IL17RB: variants seen among roughly 807,000 people sequenced by gnomAD.
IL17RB encodes the protein interleukin 17 receptor B, also known as interleukin-17 receptor B.
Under a neutral mutation model 43.9 loss-of-function variants are expected in IL17RB, and 36 were observed. That is an observed-to-expected ratio of 0.82 (90% CI 0.63 to 1.08). IL17RB has a LOEUF of 1.08. IL17RB is among the 50% of genes least tolerant of loss of function. The pLI is 0.00. For missense variants in IL17RB, 613 were observed against 613.6 expected (o/e 1.00, Z 0.01); for synonymous variants, 225 against 225.4 (o/e 1.00, Z 0.02).
At chr3:53,863,243 T>C (rs375660952) in intron 10 of IL17RB, among the ~76,000 whole-genome samples, 25 of 152,310 alleles carry the variant, frequency 1.6e-4, no homozygotes, top group African/African-American at 5.5e-4. Flanking sequence ...TCAAAGGTTA[T>C]AGGAGATTTT....
chr3:53,860,280 ATTTT>A, intron 10 of IL17RB, 52 bp downstream of exon 10: 1 of 1,471,578 alleles, frequency 6.8e-7, no homozygotes, highest in Non-Finnish European at 9.3e-7. Context: ...AACATTTTGA[ATTTT>A]TTTTTAAAGA....
chr3:53,860,963 G>C (rs1487956669), intron 10 of IL17RB: 2 of 152,170 alleles, frequency 1.3e-5, no homozygotes, highest in African/African-American at 2.4e-5. Context: ...TAAAGATGTG[G>C]TATTAAATCA....
intron 10 of IL17RB, among the ~76,000 whole-genome samples, chr3:53,864,498 G>A (rs181601283): frequency 6.6e-6 from 1 of 152,160 alleles, no homozygotes; most frequent in African/African-American, 2.4e-5. Flanking sequence ...TCACGCCACT[G>A]CACTCCAGCC....
chr3:53,863,936 C>T (rs552818368), intron 10 of IL17RB, among the ~76,000 whole-genome samples: 2 of 151,840 alleles, frequency 1.3e-5, no homozygotes, highest in East Asian at 3.9e-4. Context: ...GAACCTCCCA[C>T]CTTAGCCGCC....
chr3:53,863,019 CAAG>C (rs1297964939), intron 10 of IL17RB, among the ~76,000 whole-genome samples: 1 of 151,750 alleles, frequency 6.6e-6, no homozygotes, highest in Admixed American at 6.5e-5. Context: ...AAGATGATGA[CAAG>C]AATAAAGACC....
intron 10 of IL17RB, chr3:53,861,222 G>A (rs1699551889): frequency 6.6e-6 from 1 of 151,840 alleles, no homozygotes; most frequent in South Asian, 2.1e-4. Context: ...AACACCTTAG[G>A]ACCCATACGA....
Position 53,855,297 on chromosome 3 carries a change from G to T in IL17RB, c.485G>T (p.Cys162Phe). 1 of 1,605,638 alleles carries T rather than the reference G, an allele frequency of 6.2e-7. No homozygotes were observed. The highest frequency in any genetic ancestry group is 8.5e-7 in the Non-Finnish European group (1 of 1,173,628). ...SMSVNFTSPG[C>F]LDHIMKYKKK... ...AAACTTTCATTCAAATTTCCAGGCT[G>T]CCTAGACCACATAATGAAATATAAA... The change falls in exon 6 of 11, where the codon TGC (cysteine) becomes TTC (phenylalanine). Residue 162 changes from cysteine to phenylalanine, a missense_variant. By Grantham distance (205) the Cys-to-Phe change is radical. Transcript: ENST00000288167.
At chr3:53,859,320 G>A (rs1163633187) in intron 9 of IL17RB, 5 of 152,728 alleles carry the variant, frequency 3.3e-5, no homozygotes, top group African/African-American at 9.6e-5. Flanking sequence ...AGTTAGAGAT[G>A]TGTTAGCTTT....
chr3:53,847,609 C>CA (rs1698969709), intron 1 of IL17RB, among the ~76,000 whole-genome samples: 1 of 151,598 alleles, frequency 6.6e-6, no homozygotes, highest in South Asian at 2.1e-4. Flanking sequence ...GCCTGGCTAA[C>CA]ATGGTGAAAC....
rs11318618 is a variant in IL17RB, at chr3:53,863,821, ATTTTTT to A, written c.947-911_947-906del. ...AGGTTACAATCACACACCTCAAAGT[ATTTTTT>A]TTTTTTTTTTTTTGAGACAGGGTCT... On this transcript the variant is annotated intron_variant, in intron 10 of 10. Transcript: ENST00000288167. Among the ~76,000 whole-genome samples, 11 of 138,324 alleles carry A rather than the reference ATTTTTT, an allele frequency of 8.0e-5. No individual in the cohort carries two copies. In the East Asian group the frequency reaches 1.0e-3, roughly 13 times the overall value. 90.7% of individuals were successfully genotyped at this position (138,324 alleles called of 152,430 possible).
intron 10 of IL17RB, 101 bp downstream of exon 10, chr3:53,860,329 C>T: frequency 2.2e-6 from 2 of 904,678 alleles, no homozygotes; most frequent in Non-Finnish European, 3.5e-6. Context: ...GTTGGCGTTT[C>T]CCAGAGTTAG....
chr3:53,847,456 C>G (rs997513760), intron 1 of IL17RB, among the ~76,000 whole-genome samples: 3 of 149,260 alleles, frequency 2.0e-5, no homozygotes, highest in Admixed American at 1.3e-4. Flanking sequence ...TTGATAAGAA[C>G]TCAGCTCCTG....
At chr3:53,846,746 C>A in intron 1 of IL17RB, 98 bp downstream of exon 1, 1 of 1,287,188 alleles carries the variant, frequency 7.8e-7, no homozygotes. Context: ...CGAAGGCGTG[C>A]GCGGACTGCC....
At chr3:53,852,544 G>C (rs777535910) in intron 4 of IL17RB, among the ~76,000 whole-genome samples, 2 of 152,200 alleles carry the variant, frequency 1.3e-5, no homozygotes, top group African/African-American at 2.4e-5. Context: ...ATGACTCAGA[G>C]CTTAGAGCAA....
At chr3:53,861,346 TA>T (rs1165935823) in intron 10 of IL17RB, 1 of 151,952 alleles carries the variant, frequency 6.6e-6, no homozygotes, top group Non-Finnish European at 1.5e-5. Flanking sequence ...ATATGTACCA[TA>T]AATTGAGGGT....
chr3:53,863,657 C>G (rs898026358), intron 10 of IL17RB, among the ~76,000 whole-genome samples: 1 of 151,972 alleles, frequency 6.6e-6, no homozygotes, highest in Non-Finnish European at 1.5e-5. Flanking sequence ...AAAGGGGTGC[C>G]ACTTAACTTT....
intron 6 of IL17RB, 22 bp from the exon 7 acceptor site, chr3:53,856,821 CA>C: frequency 1.9e-6 from 3 of 1,613,736 alleles, no homozygotes; most frequent in Non-Finnish European, 2.5e-6. Flanking sequence ...AGTTCATCTA[CA>C]TGGTTCTCTC....
At position 53,848,640 on chromosome 3, in the gene IL17RB, C is replaced by T. The variant is rs756129785; in HGVS notation, c.61-24C>T. The stretch of plus-strand genomic sequence containing the variant: ...TTGTGGTTTGCCGGCTTCAACGTGA[C>T]GCTTGGTTTTTTCTCTCCCACAGAC... On this transcript the variant is annotated intron_variant, in intron 1 of 10. Transcript: ENST00000288167. The T allele has an allele frequency of 1.4e-5, 20 of 1,472,646 alleles. No individual in the cohort carries two copies. The Admixed American group carries it at 2.5e-4, about 18-fold the overall frequency. The allele number at this position is 1,472,646 out of a possible 1,614,324, so 91.2% of individuals were successfully genotyped here.
chr3:53,858,327 C>T lies in IL17RB; in HGVS notation c.748-392C>T, dbSNP rs1296865800. The T allele has an allele frequency of 2.9e-6, 3 of 1,018,400 alleles. No individual in the cohort carries two copies. The African/African-American group carries it at 5.1e-5, about 17-fold the overall frequency. The allele number at this position is 1,018,400 out of a possible 1,614,324, so 63.1% of individuals were successfully genotyped here. A position where few individuals can be genotyped will look rare whatever the true frequency, so the allele number is the denominator to read the frequency against. On this transcript the variant is annotated intron_variant, in intron 8 of 10. Coordinates refer to ENST00000288167, the MANE Select transcript of IL17RB (RefSeq NM_018725.4). ...ATGGCTACTACCCTTTTCTGGAGAA[C>T]CATAGACTTCCCTTACTACAGGGAC...
Sources: allele counts gnomAD v4.1 joint callset (sites outside exome capture counted in the v4.1 genomes callset), GRCh38; gene constraint gnomAD v4.1.1; transcripts MANE v1.5; gene names NCBI Gene and HGNC (gene_info 2026-07-23, HGNC 2026-07-21).